Variants in UNC13C observed in about 807,000 individuals in gnomAD.
The protein encoded by UNC13C is unc-13 homolog C.
In UNC13C, 174 loss-of-function variants were observed where a neutral mutation model predicts 245.4. That is an observed-to-expected ratio of 0.71 (90% confidence interval 0.63 to 0.80). UNC13C has a LOEUF of 0.80. UNC13C is among the 30% of genes least tolerant of loss of function. UNC13C has a pLI of 0.00. For missense variants in UNC13C, 2,829 were observed against 2,602.9 expected (o/e 1.09, Z -1.89); for synonymous variants, 992 against 895.1 (o/e 1.11, Z -1.93).
the UNC13C span, among the ~76,000 whole-genome samples, chr15:53,928,081 G>T: frequency 6.6e-6 from 1 of 152,006 alleles, no homozygotes; most frequent in Non-Finnish European, 1.5e-5. Context: ...CTCAGTCGGG[G>T]AGACCCTAAC....
At chr15:53,941,503 G>C in the UNC13C span, among the ~76,000 whole-genome samples, 2 of 151,878 alleles carry the variant, frequency 1.3e-5, no homozygotes, top group Admixed American at 1.3e-4. Context: ...AGAGTGAACA[G>C]ACCACCTACA....
chr15:54,358,475 T>G (rs1411990299), intron 17 of UNC13C, among the ~76,000 whole-genome samples: 1 of 152,114 alleles, frequency 6.6e-6, no homozygotes, highest in East Asian at 1.9e-4. Flanking sequence ...TTCCAATTAT[T>G]TGCATCTTCT....
chr15:54,275,421 CT>C (rs994133463), intron 10 of UNC13C, among the ~76,000 whole-genome samples: 2 of 151,998 alleles, frequency 1.3e-5, no homozygotes, highest in African/African-American at 2.4e-5. Context: ...TCTTTGTCCC[CT>C]AGTATTATTT....
In UNC13C at chr15:54,027,205, A is replaced by G. The variant is rs953277877; in HGVS notation, c.2983+11319A>G. On this transcript the variant is annotated intron_variant, in intron 2 of 32. Coordinates refer to ENST00000260323, the MANE Select transcript of UNC13C (RefSeq NM_001080534.3). The stretch of plus-strand genomic sequence containing the variant: ...AAGAAAAAAAAAAAACAGGAAAAGC[A>G]TGTAAGAGAAATCTGGTGCAATAAT... Among the ~76,000 whole-genome samples, 19 of 151,568 alleles carry G rather than the reference A, an allele frequency of 1.3e-4. 1 individual carries two copies. Among genetic ancestry groups the G allele is most frequent in the Non-Finnish European group, 2.9e-5 (2 of 67,884 alleles).
At chr15:54,410,702 T>C (rs2040399346) in intron 18 of UNC13C, among the ~76,000 whole-genome samples, 1 of 152,182 alleles carries the variant, frequency 6.6e-6, no homozygotes, top group Non-Finnish European at 1.5e-5. Context: ...CTCTGTTCTG[T>C]TCCATTGTTC....
chr15:53,954,706 C>A, the UNC13C span, among the ~76,000 whole-genome samples: 3 of 152,048 alleles, frequency 2.0e-5, no homozygotes, highest in Admixed American at 2.0e-4. Flanking sequence ...GTTCTCAGGG[C>A]AAGCTTATAA....
At chr15:54,616,464 G>A (rs764179413) in intron 30 of UNC13C, among the ~76,000 whole-genome samples, 1 of 151,960 alleles carries the variant, frequency 6.6e-6, no homozygotes, top group Non-Finnish European at 1.5e-5. Context: ...ATATAATTAT[G>A]TACAGTTAGA....
intron 10 of UNC13C, among the ~76,000 whole-genome samples, chr15:54,272,530 C>T (rs1036338432): frequency 6.6e-6 from 1 of 152,156 alleles, no homozygotes; most frequent in African/African-American, 2.4e-5. Flanking sequence ...GTACCAACAT[C>T]AGCAAGTCAT....
chr15:54,315,196 T>C (rs1177994705), intron 13 of UNC13C, among the ~76,000 whole-genome samples: 1 of 151,786 alleles, frequency 6.6e-6, no homozygotes, highest in Admixed American at 6.6e-5. Context: ...TGGCTAGATA[T>C]TGTACCAATC....
chr15:54,316,802 T>C (rs941758247), intron 13 of UNC13C, among the ~76,000 whole-genome samples: 4 of 151,968 alleles, frequency 2.6e-5, no homozygotes, highest in Admixed American at 1.3e-4. Context: ...ATTCGGCCTT[T>C]GGAGGATTGC....
chr15:54,250,733 T>TTTTCTTTCTTTCTTTCTTTC lies in UNC13C; in HGVS notation c.3448+308_3448+309insCTTTCTTTCTTTCTTTCTTT, dbSNP rs1202618938. 7.2e-3 allele frequency among the ~76,000 whole-genome samples: 632 copies of TTTTCTTTCTTTCTTTCTTTC among 87,670 alleles called. 28 individuals are homozygous for TTTTCTTTCTTTCTTTCTTTC. The highest frequency in any genetic ancestry group is 0.011 in the African/African-American group (170 of 14,908). 57.5% of individuals were successfully genotyped at this position (87,670 alleles called of 152,430 possible). ...CTTCCTATCTATTTTCTTTTTTGTC[T>TTTTCTTTCTTTCTTTCTTTC]TTTCTTTCTTTCTTTCTTTTTTTTT... On this transcript the variant is annotated intron_variant, in intron 8 of 32. Transcript: ENST00000260323.
the UNC13C span, among the ~76,000 whole-genome samples, chr15:53,838,656 C>T: frequency 1.3e-5 from 2 of 151,890 alleles, no homozygotes; most frequent in Non-Finnish European, 2.9e-5. Flanking sequence ...TTTGGATTGA[C>T]AACATTTTAT....
chr15:54,189,430 G>A (rs1329162014), intron 4 of UNC13C, among the ~76,000 whole-genome samples: 1 of 152,012 alleles, frequency 6.6e-6, no homozygotes, highest in Non-Finnish European at 1.5e-5. Context: ...CATGACACCA[G>A]TTGCCTGCTG....
At chr15:53,985,784 T>C (rs1894113629) in intron 1 of UNC13C, among the ~76,000 whole-genome samples, 1 of 152,076 alleles carries the variant, frequency 6.6e-6, no homozygotes, top group South Asian at 2.1e-4. Context: ...CTTCCTCTTG[T>C]TGATCAGGGG....
chr15:54,343,291 G>A lies in UNC13C; in HGVS notation c.4713+4802G>A, dbSNP rs565761873. On this transcript the variant is annotated intron_variant, in intron 17 of 32. Coordinates refer to ENST00000260323, the MANE Select transcript of UNC13C (RefSeq NM_001080534.3). ...TGGGATTACAGAGGCCCACCACCAC[G>A]CCTGGCTTATTTTGTATTTTTAGTA... is the stretch of plus-strand genomic sequence containing the variant. Among the ~76,000 whole-genome samples, 16 of 152,064 alleles carry A rather than the reference G, an allele frequency of 1.1e-4. No homozygotes were observed. In the South Asian group the frequency reaches 2.7e-3, roughly 26 times the overall value.
chr15:54,175,919 T>C (rs2033598337), intron 4 of UNC13C, among the ~76,000 whole-genome samples: 1 of 152,142 alleles, frequency 6.6e-6, no homozygotes, highest in Non-Finnish European at 1.5e-5. Flanking sequence ...TAAATAGAAA[T>C]TTTTTTGAAA....
chr15:54,516,813 G>T (rs1214805523), intron 24 of UNC13C, among the ~76,000 whole-genome samples: 3 of 69,854 alleles, frequency 4.3e-5, no homozygotes, highest in African/African-American at 1.4e-4. Flanking sequence ...AAAAAAAAAA[G>T]TATCAGATAA....
At position 54,013,324 on chromosome 15, in the gene UNC13C, CA is replaced by C; in HGVS notation, c.422del (p.Gln141ArgfsTer36). 6.2e-7 allele frequency: 1 copy of C among 1,613,840 alleles called. No individual in the cohort carries two copies. Reference sequence around the variant, plus strand: ...TGAACTAAGGAGTAGCACAGAAAACCAGGCACAATCAACACACACAATGCCA... The same window carrying C: ...TGAACTAAGGAGTAGCACAGAAAACCGGCACAATCAACACACACAATGCCA... Reference protein sequence around the residue: ...LNELRSSTENQAQSTHTMPVR... With the variant: ...LNELRSSTENXAQSTHTMPVR... On this transcript the variant is annotated frameshift_variant, in exon 2 of 33. Transcript: ENST00000260323. LOFTEE classifies it high-confidence loss of function.
the UNC13C span, among the ~76,000 whole-genome samples, chr15:53,850,046 T>A: frequency 6.6e-6 from 1 of 152,180 alleles, no homozygotes; most frequent in Non-Finnish European, 1.5e-5. Context: ...AGAACTTCCT[T>A]TAACATTTCT....
Sources: gnomAD v4.1 joint callset for allele counts (sites outside exome capture counted in the v4.1 genomes callset) on GRCh38, gnomAD v4.1.1 for gene constraint, MANE v1.5 for transcripts, NCBI Gene and HGNC (gene_info 2026-07-23, HGNC 2026-07-21) for gene names.